The following CDKN2AIP variants were observed in gnomAD, a reference collection of about 807,000 sequenced individuals.
The protein encoded by CDKN2AIP is CDKN2A-interacting protein.
A neutral mutation model predicts 44.1 loss-of-function variants in CDKN2AIP; 12 were observed. That is an observed-to-expected ratio of 0.27 (90% CI 0.17 to 0.44). The LOEUF is 0.44. Ranked by LOEUF, CDKN2AIP falls within the 20% of genes least tolerant of loss-of-function variation. The pLI is 1.00. For missense variants in CDKN2AIP, 705 were observed against 681.6 expected (o/e 1.03, Z -0.38); for synonymous variants, 291 against 272.1 (o/e 1.07, Z -0.68).
Position 183,445,578 on chromosome 4 carries a change from G to A in CDKN2AIP, c.316G>A (p.Gly106Ser), listed in dbSNP as rs1733649552. 6.2e-7 allele frequency: 1 copy of A among 1,608,780 alleles called. No individual in the cohort carries two copies. The highest frequency in any genetic ancestry group is 1.3e-5 in the African/African-American group (1 of 74,778). ...GGATAAAATACTTAGTATGGCTGAA[G>A]GCATCAAAGTGACAGATGCTCCAAC... ...VMDKILSMAEGIKVTDAPTYT... is the reference protein window; with the variant it reads ...VMDKILSMAESIKVTDAPTYT... The change falls in exon 2 of 3, where the codon GGC (glycine) becomes AGC (serine). Residue 106 changes from glycine (G) to serine (S), a missense_variant. Coordinates refer to ENST00000504169, the MANE Select transcript of CDKN2AIP (RefSeq NM_017632.4).
rs11539203 is a variant in CDKN2AIP, at chr4:183,444,992, C to T, written c.195C>T (p.Ser65=). The part of the protein sequence containing the change: ...ASTDEAADAE[S]GTRNRQLQQL... ...CGGATGAAGCTGCCGACGCCGAGAG[C>T]GGGACCCGAAACCGGCAGCTGCAGC... The change falls in exon 1 of 3, where the codon AGC becomes AGT. Residue 65 remains serine (S), a synonymous_variant. Transcript: ENST00000504169. 48,159 of 1,604,862 alleles carry T rather than the reference C, an allele frequency of 0.03. 3,123 individuals carry two copies. Among genetic ancestry groups the T allele is most frequent in the East Asian group, 0.29 (13,124 of 44,558 alleles).
chr4:183,447,601 A>T lies in CDKN2AIP; in HGVS notation c.*174A>T, dbSNP rs1292327000. On this transcript the variant is annotated 3_prime_UTR_variant, in exon 3 of 3. Coordinates refer to ENST00000504169, the MANE Select transcript of CDKN2AIP (RefSeq NM_017632.4). Reference sequence around the variant, plus strand: ...AGCAGTTGTAAATAATTTATGAATGACAGTACACATTAAAAGGTATGCATT... The same window carrying T: ...AGCAGTTGTAAATAATTTATGAATGTCAGTACACATTAAAAGGTATGCATT... The T allele has an allele frequency of 8.1e-6, 4 of 496,500 alleles. No individual in the cohort carries two copies. Among genetic ancestry groups the T allele is most frequent in the African/African-American group, 2.0e-5 (1 of 50,582 alleles). 30.8% of individuals were successfully genotyped at this position (496,500 alleles called of 1,614,324 possible). A position where few individuals can be genotyped will look rare whatever the true frequency, so the allele number is the denominator to read the frequency against.
Position 183,445,419 on chromosome 4 carries a change from C to T in CDKN2AIP, c.273-116C>T, listed in dbSNP as rs1249796839. 5 of 805,508 alleles carry T rather than the reference C, an allele frequency of 6.2e-6. 1 individual carries two copies. The highest frequency in any genetic ancestry group is 2.0e-6 in the Non-Finnish European group (1 of 494,342). 49.9% of individuals were successfully genotyped at this position (805,508 alleles called of 1,614,324 possible). On this transcript the variant is annotated intron_variant, in intron 1 of 2. Transcript: ENST00000504169. Reference sequence around the variant, plus strand: ...TGGGGTTCCAGGAAACAGTTCTTGGCGGTTGGTTCACTTTCTTGATTGCAG... The same window carrying T: ...TGGGGTTCCAGGAAACAGTTCTTGGTGGTTGGTTCACTTTCTTGATTGCAG...
chr4:183,446,877 C>G lies in CDKN2AIP; in HGVS notation c.1193C>G (p.Ser398Cys), dbSNP rs1216866627. Residue 398 changes from serine (S) to cysteine (C), a missense_variant, in exon 3 of 3, where the codon TCT becomes TGT. By Grantham distance (112) the Ser-to-Cys change is moderately radical. Transcript: ENST00000504169. The stretch of plus-strand genomic sequence containing the variant: ...TTAGCAAGTGTGTCCCAGTTGGCTT[C>G]TAAGAGTAGTTCTCAGACTAGCACC... ...TSLASVSQLA[S>C]KSSSQTSTSQ... 6.2e-7 allele frequency: 1 copy of G among 1,614,150 alleles called. No individual in the cohort carries two copies. Among genetic ancestry groups the G allele is most frequent in the South Asian group, 1.1e-5 (1 of 91,080 alleles).
Position 183,446,580 on chromosome 4 carries a change from C to G in CDKN2AIP, c.896C>G (p.Ser299Ter). ...EVPLLGSSGSSEVELPLLSSK... is the reference protein window; with the variant it reads ...EVPLLGSSGS Reference sequence around the variant, plus strand: ...CCCTTGTTGGGCTCCTCAGGAAGCTCAGAGGTAGAATTGCCACTATTGTCT... The same window carrying G: ...CCCTTGTTGGGCTCCTCAGGAAGCTGAGAGGTAGAATTGCCACTATTGTCT... Residue 299 changes from serine to a stop codon, truncating the protein, a stop_gained, in exon 3 of 3, where the codon TCA becomes TGA. Coordinates refer to ENST00000504169, the MANE Select transcript of CDKN2AIP (RefSeq NM_017632.4). LOFTEE classifies it high-confidence loss of function. The G allele has an allele frequency of 6.2e-7, 1 of 1,614,144 alleles. No individual in the cohort carries two copies. The highest frequency in any genetic ancestry group is 8.5e-7 in the Non-Finnish European group (1 of 1,179,996).
chr4:183,445,337 G>A, intron 1 of CDKN2AIP, 198 bp from the exon 2 acceptor site: 1 of 621,902 alleles, frequency 1.6e-6, no homozygotes, highest in Non-Finnish European at 2.8e-6. Flanking sequence ...GGACGGGTGC[G>A]AGATTTAAGA....
At chr4:183,445,416 T>G in intron 1 of CDKN2AIP, 119 bp from the exon 2 acceptor site, 1 of 794,916 alleles carries the variant, frequency 1.3e-6, no homozygotes, top group Non-Finnish European at 2.1e-6. Flanking sequence ...AAACAGTTCT[T>G]GGCGGTTGGT....
At position 183,446,176 on chromosome 4, in the gene CDKN2AIP, G is replaced by C; in HGVS notation, c.492G>C (p.Lys164Asn). ...AAGATCACGCAAAAACCTCTGCCAA[G>C]ACAGAACGTGCATCAGCTCAGCAGG... is the stretch of plus-strand genomic sequence containing the variant. ...VEQDHAKTSA[K>N]TERASAQQEN... The change falls in exon 3 of 3, where the codon AAG (lysine) becomes AAC (asparagine). Residue 164 changes from lysine (K) to asparagine (N), a missense_variant. Lys to Asn is a moderately conservative substitution (Grantham distance 94). Around this residue, in one of 2 missense-constraint regions of CDKN2AIP, gnomAD observed 592 missense variants for 518.0 expected, o/e 1.14. Coordinates refer to ENST00000504169, the MANE Select transcript of CDKN2AIP (RefSeq NM_017632.4). 1.2e-6 allele frequency: 2 copies of C among 1,614,176 alleles called. No individual in the cohort carries two copies. Among genetic ancestry groups the C allele is most frequent in the Non-Finnish European group, 8.5e-7 (1 of 1,180,016 alleles).
In CDKN2AIP at chr4:183,444,786, T is replaced by A; in HGVS notation, c.-12T>A. On this transcript the variant is annotated 5_prime_UTR_variant, in exon 1 of 3. Coordinates refer to ENST00000504169, the MANE Select transcript of CDKN2AIP (RefSeq NM_017632.4). Reference sequence around the variant, plus strand: ...TCCCGGTGCAGCTGTGTTCGCGGCCTGCAGGCCCAACATGGCGCAGGAGGT... The same window carrying A: ...TCCCGGTGCAGCTGTGTTCGCGGCCAGCAGGCCCAACATGGCGCAGGAGGT... The A allele has an allele frequency of 6.6e-7, 1 of 1,517,620 alleles. No individual in the cohort carries two copies. Among genetic ancestry groups the A allele is most frequent in the Non-Finnish European group, 8.9e-7 (1 of 1,124,664 alleles). The allele number at this position is 1,517,620 out of a possible 1,614,324, so 94.0% of individuals were successfully genotyped here.
In CDKN2AIP at chr4:183,444,694, G is replaced by A. The variant is rs1560946934; in HGVS notation, c.-104G>A. 1.6e-6 allele frequency: 2 copies of A among 1,218,660 alleles called. No homozygotes were observed. Among genetic ancestry groups the A allele is most frequent in the Non-Finnish European group, 2.2e-6 (2 of 906,314 alleles). The allele number at this position is 1,218,660 out of a possible 1,614,324, so 75.5% of individuals were successfully genotyped here. A position where few individuals can be genotyped will look rare whatever the true frequency, so the allele number is the denominator to read the frequency against. On this transcript the variant is annotated 5_prime_UTR_variant, in exon 1 of 3. Transcript: ENST00000504169. ...TTGGTCTTTAGGCCTGCGGAGGGGC[G>A]TTATCTGGAGGGCCGCGGGTGCAGG...
At chr4:183,446,060 C>T (rs377653438) in intron 2 of CDKN2AIP, 28 bp from the exon 3 acceptor site, 174 of 1,546,166 alleles carry the variant, frequency 1.1e-4, no homozygotes, top group Non-Finnish European at 1.5e-4. Flanking sequence ...TATTCTTAGT[C>T]ACATATCTAT....
intron 2 of CDKN2AIP, 81 bp downstream of exon 2, chr4:183,445,746 T>G: frequency 8.2e-7 from 1 of 1,214,382 alleles, no homozygotes; most frequent in Non-Finnish European, 1.2e-6. Context: ...TTACTAATTT[T>G]TTTAACAAGC....
chr4:183,446,436 G>A lies in CDKN2AIP; in HGVS notation c.752G>A (p.Ser251Asn), dbSNP rs763738595. ...SASFVSLLKS[S>N]VNSHMTQSTD... ...TCATTTGTTTCCTTGCTGAAATCCAGTGTGAATAGTCACATGACCCAATCC... is the reference window on the plus strand; with the variant it reads ...TCATTTGTTTCCTTGCTGAAATCCAATGTGAATAGTCACATGACCCAATCC... Residue 251 changes from serine (S) to asparagine (N), a missense_variant, in exon 3 of 3, where the codon AGT becomes AAT. Physicochemically the swap from Ser to Asn is conservative, Grantham distance 46. Around this residue, in one of 2 missense-constraint regions of CDKN2AIP, gnomAD observed 592 missense variants for 518.0 expected, o/e 1.14. Transcript: ENST00000504169. 1.5e-5 allele frequency: 25 copies of A among 1,613,700 alleles called. No individual in the cohort carries two copies. The highest frequency in any genetic ancestry group is 2.1e-5 in the Non-Finnish European group (25 of 1,179,680).
At position 183,446,579 on chromosome 4, in the gene CDKN2AIP, T is replaced by G. The variant is rs1350264620; in HGVS notation, c.895T>G (p.Ser299Ala). Residue 299 changes from serine to alanine, a missense_variant, in exon 3 of 3, where the codon TCA becomes GCA. By Grantham distance (99) the Ser-to-Ala change is moderately conservative. Coordinates refer to ENST00000504169, the MANE Select transcript of CDKN2AIP (RefSeq NM_017632.4). ...EVPLLGSSGS[S>A]EVELPLLSSK... is the part of the protein sequence containing the mutation. ...GCCCTTGTTGGGCTCCTCAGGAAGCTCAGAGGTAGAATTGCCACTATTGTC... is the reference window on the plus strand; with the variant it reads ...GCCCTTGTTGGGCTCCTCAGGAAGCGCAGAGGTAGAATTGCCACTATTGTC... 6.2e-7 allele frequency: 1 copy of G among 1,614,058 alleles called. No individual in the cohort carries two copies.
rs1362809930 is a variant in CDKN2AIP, at chr4:183,448,871, A to G, written c.*1444A>G. Among the ~76,000 whole-genome samples, 1 of 152,176 alleles carries G rather than the reference A, an allele frequency of 6.6e-6. No homozygotes were observed. Among genetic ancestry groups the G allele is most frequent in the Admixed American group, 6.5e-5 (1 of 15,276 alleles). ...TTCATTTTTGAGGATATTTAATTGGATACCAAAGCTAAAATCCATATACTG... is the reference window on the plus strand; with the variant it reads ...TTCATTTTTGAGGATATTTAATTGGGTACCAAAGCTAAAATCCATATACTG... On this transcript the variant is annotated 3_prime_UTR_variant, in exon 3 of 3. Coordinates refer to ENST00000504169, the MANE Select transcript of CDKN2AIP (RefSeq NM_017632.4).
rs762977550 is a variant in CDKN2AIP, at chr4:183,446,421, C to T, written c.737C>T (p.Ser246Phe). ...PDKHGSASFV[S>F]LLKSSVNSHM... The stretch of plus-strand genomic sequence containing the variant: ...AAACACGGTTCTGCATCATTTGTTT[C>T]CTTGCTGAAATCCAGTGTGAATAGT... Residue 246 changes from serine to phenylalanine, a missense_variant, in exon 3 of 3, where the codon TCC (serine) becomes TTC (phenylalanine). This residue lies in a region of CDKN2AIP where 592 missense variants were observed against 518.0 expected (regional missense o/e 1.14). Transcript: ENST00000504169. 1.9e-6 allele frequency: 3 copies of T among 1,613,384 alleles called. No homozygotes were observed. The highest frequency in any genetic ancestry group is 2.2e-5 in the East Asian group (1 of 44,880).
In CDKN2AIP at chr4:183,444,858, G is replaced by C; in HGVS notation, c.61G>C (p.Ala21Pro). ...CCCGCGGGTGGCAGCCTGGGTGGAG[G>C]CGCTGCGCTGCGACGGCGAGACTGA... ...QNPRVAAWVEALRCDGETDKH... is the reference protein window; with the variant it reads ...QNPRVAAWVEPLRCDGETDKH... Residue 21 changes from alanine to proline, a missense_variant, in exon 1 of 3, where the codon GCG (alanine) becomes CCG (proline). Around this residue, in one of 2 missense-constraint regions of CDKN2AIP, gnomAD observed 592 missense variants for 518.0 expected, o/e 1.14. Transcript: ENST00000504169. The C allele has an allele frequency of 6.3e-7, 1 of 1,580,008 alleles. No individual in the cohort carries two copies. The highest frequency in any genetic ancestry group is 1.1e-5 in the South Asian group (1 of 87,686).
chr4:183,446,674 A>G lies in CDKN2AIP; in HGVS notation c.990A>G (p.Ser330=). 1 of 1,614,154 alleles carries G rather than the reference A, an allele frequency of 6.2e-7. No homozygotes were observed. ...TSKTSSEASV[S]SSVAKNSSSS... is the part of the protein sequence containing the mutation. ...AAACTAGTTCAGAGGCAAGTGTTTC[A>G]TCATCAGTTGCTAAAAACAGTTCCT... Residue 330 remains serine, a synonymous_variant, in exon 3 of 3, where the codon TCA becomes TCG. Coordinates refer to ENST00000504169, the MANE Select transcript of CDKN2AIP (RefSeq NM_017632.4).
In CDKN2AIP at chr4:183,446,979, A is replaced by C; in HGVS notation, c.1295A>C (p.Asp432Ala). Residue 432 changes from aspartate (D) to alanine (A), a missense_variant, in exon 3 of 3, where the codon GAT (aspartate) becomes GCT (alanine). This residue lies in a region of CDKN2AIP where 592 missense variants were observed against 518.0 expected (regional missense o/e 1.14). Transcript: ENST00000504169. ...VKFSCKLTNE[D>A]VKQKQPFFNR... ...TTCTCTTGCAAGTTAACCAATGAAG[A>C]TGTGAAACAGAAGCAACCTTTTTTC... 5.6e-6 allele frequency: 9 copies of C among 1,614,210 alleles called. No homozygotes were observed. Among genetic ancestry groups the C allele is most frequent in the Non-Finnish European group, 7.6e-6 (9 of 1,180,004 alleles).
Sources: allele counts gnomAD v4.1 joint callset (sites outside exome capture counted in the v4.1 genomes callset), GRCh38; gene constraint gnomAD v4.1.1; regional missense constraint gnomAD v4.1.1; transcripts MANE v1.5; gene names NCBI Gene and HGNC (gene_info 2026-07-23, HGNC 2026-07-21).